Variants in PCDHA9 observed in about 807,000 individuals in gnomAD.
PCDHA9 encodes protocadherin alpha-9.
A neutral mutation model predicts 62.0 loss-of-function variants in PCDHA9; 62 were observed. The ratio of observed to expected loss-of-function variants is 1.00; its 90% confidence interval spans 0.81 to 1.23. The LOEUF is 1.23. PCDHA9 is among the 50% of genes most tolerant of loss of function. The pLI is 0.00. For missense variants in PCDHA9, 1,205 were observed against 1,249.8 expected, an observed-to-expected ratio of 0.96 and a Z score of 0.54; for synonymous variants, 557 against 567.6, an observed-to-expected ratio of 0.98 and a Z score of 0.27.
intron 1 of PCDHA9, chr5:140,855,929 A>T (rs914508327): frequency 1.6e-6 from 2 of 1,278,216 alleles, no homozygotes; most frequent in Non-Finnish European, 2.2e-6. Context: ...AAGTAGCGTC[A>T]TTCTGAGATC....
At chr5:140,855,899 C>A in intron 1 of PCDHA9, 1 of 1,074,020 alleles carries the variant, frequency 9.3e-7, no homozygotes, top group Non-Finnish European at 1.3e-6. Flanking sequence ...AAGGCATCAG[C>A]CAGTTTCTCA....
chr5:140,870,405 G>A (rs1226660080), intron 1 of PCDHA9: 1 of 1,614,248 alleles, frequency 6.2e-7, no homozygotes, highest in Non-Finnish European at 8.5e-7. Flanking sequence ...CGCCTTCTCT[G>A]TGGGCCACGG....
chr5:140,978,061 A>G (rs1307101965), intron 1 of PCDHA9, among the ~76,000 whole-genome samples: 1 of 152,202 alleles, frequency 6.6e-6, no homozygotes, highest in Non-Finnish European at 1.5e-5. Flanking sequence ...ATGATGTCCC[A>G]GTGATTTCTG....
intron 1 of PCDHA9, among the ~76,000 whole-genome samples, chr5:140,889,588 GA>G (rs2062289236): frequency 6.6e-6 from 1 of 151,768 alleles, no homozygotes; most frequent in East Asian, 1.9e-4. Context: ...TTTTTGCTTT[GA>G]AATATTTTTA....
chr5:140,856,934 G>A, intron 1 of PCDHA9: 1 of 1,593,752 alleles, frequency 6.3e-7, no homozygotes. Context: ...TTGGATAAAC[G>A]AAAGGACGGG....
intron 1 of PCDHA9, among the ~76,000 whole-genome samples, chr5:140,947,178 C>T (rs1356075084): frequency 6.6e-6 from 1 of 151,188 alleles, no homozygotes. Context: ...GGTATATATT[C>T]ATGGTATACT....
In PCDHA9 at chr5:140,875,833, G is replaced by A. The variant is rs782436615; in HGVS notation, c.2394+24944G>A. 1 of 1,614,220 alleles carries A rather than the reference G, an allele frequency of 6.2e-7. No homozygotes were observed. Among genetic ancestry groups the A allele is most frequent in the Non-Finnish European group, 8.5e-7 (1 of 1,180,044 alleles). On this transcript the variant is annotated intron_variant, in intron 1 of 3. Coordinates refer to ENST00000532602, the MANE Select transcript of PCDHA9 (RefSeq NM_031857.2). ...GCCGCTGCAGGTTTTCCATGTGGAC[G>A]TGGAGGTGAAGGACATTAACGACAA...
Position 140,856,323 on chromosome 5 carries a change from A to T in PCDHA9, c.2394+5434A>T, listed in dbSNP as rs781846770. ...TTTGTGAATTCTCGGATTGACCGCG[A>T]GGAGCTGTGCGGGCGGAGCGTGGAG... On this transcript the variant is annotated intron_variant, in intron 1 of 3. Transcript: ENST00000532602. The T allele has an allele frequency of 3.1e-6, 5 of 1,598,532 alleles. No individual in the cohort carries two copies. The East Asian group carries it at 1.1e-4, about 36-fold the overall frequency.
intron 1 of PCDHA9, among the ~76,000 whole-genome samples, chr5:140,942,271 A>G (rs1421470016): frequency 6.6e-6 from 1 of 152,184 alleles, no homozygotes; most frequent in Non-Finnish European, 1.5e-5. Context: ...AAAGCTGGTA[A>G]TGGTGGCTCA....
chr5:140,952,006 T>C (rs2094672029), intron 1 of PCDHA9, among the ~76,000 whole-genome samples: 1 of 152,184 alleles, frequency 6.6e-6, no homozygotes, highest in African/African-American at 2.4e-5. Context: ...GAAAGAATTA[T>C]AGGCCCCATG....
At chr5:140,857,488 C>G (rs782255025) in intron 1 of PCDHA9, 2 of 1,598,442 alleles carry the variant, frequency 1.3e-6, no homozygotes, top group South Asian at 2.2e-5. Context: ...CTGCGTGGGA[C>G]GCGGACGCGC....
chr5:140,884,138 G>A (rs782798249), intron 1 of PCDHA9: 3 of 1,613,410 alleles, frequency 1.9e-6, no homozygotes, highest in South Asian at 1.1e-5. Context: ...CCCGTTCCGC[G>A]TGGGGCTGTA....
chr5:140,900,845 C>CT (rs1284280086), intron 1 of PCDHA9, among the ~76,000 whole-genome samples: 1 of 152,106 alleles, frequency 6.6e-6, no homozygotes, highest in Non-Finnish European at 1.5e-5. Context: ...CAAAGTTTCC[C>CT]TTTTTTTCAC....
chr5:141,000,647 C>G (rs1442819157), intron 3 of PCDHA9, among the ~76,000 whole-genome samples: 1 of 151,182 alleles, frequency 6.6e-6, no homozygotes, highest in Non-Finnish European at 1.5e-5. Context: ...AGGCTGGTCT[C>G]GAACTCCTGA....
At chr5:140,876,876 C>T (rs1439703522) in intron 1 of PCDHA9, 1 of 1,614,012 alleles carries the variant, frequency 6.2e-7, no homozygotes, top group Non-Finnish European at 8.5e-7. Context: ...AGGAGAACAA[C>T]CCGCCGGGCT....
chr5:140,888,811 T>C (rs187578319), intron 1 of PCDHA9, among the ~76,000 whole-genome samples: 124 of 152,270 alleles, frequency 8.1e-4, no homozygotes, highest in African/African-American at 1.8e-3. Context: ...CAGTGATCTG[T>C]GATCTGTGAT....
intron 1 of PCDHA9, among the ~76,000 whole-genome samples, chr5:140,971,015 G>C (rs1425390222): frequency 6.6e-6 from 1 of 152,228 alleles, no homozygotes; most frequent in Non-Finnish European, 1.5e-5. Flanking sequence ...GAAGTCTTTA[G>C]ATCGTAGCAT....
At chr5:140,979,399 G>T (rs1352440599) in intron 2 of PCDHA9, among the ~76,000 whole-genome samples, 1 of 151,708 alleles carries the variant, frequency 6.6e-6, no homozygotes. Flanking sequence ...CATACATGTT[G>T]TCTACCTTGT....
rs149782026 is a variant in PCDHA9, at chr5:140,944,645, G to A, written c.2395-34304G>A. ...TAGTGTTGTAAGCCAGTGTGGATTG[G>A]GAGTCCATACCCCTTATTTATCTAT... On this transcript the variant is annotated intron_variant, in intron 1 of 3. Coordinates refer to ENST00000532602, the MANE Select transcript of PCDHA9 (RefSeq NM_031857.2). Among the ~76,000 whole-genome samples, 728 of 152,260 alleles carry A rather than the reference G, an allele frequency of 4.8e-3. 7 individuals are homozygous for A. The highest frequency in any genetic ancestry group is 0.017 in the African/African-American group (702 of 41,552).
Sources: gnomAD v4.1 joint callset for allele counts (sites outside exome capture counted in the v4.1 genomes callset) on GRCh38, gnomAD v4.1.1 for gene constraint, MANE v1.5 for transcripts, NCBI Gene and HGNC (gene_info 2026-07-23, HGNC 2026-07-21) for gene names.